The following PIK3R4 variants were observed in gnomAD, a reference collection of about 807,000 sequenced individuals.
PIK3R4 encodes phosphoinositide 3-kinase regulatory subunit 4.
Under a neutral mutation model 136.5 loss-of-function variants are expected in PIK3R4, and 46 were observed. The observed-to-expected ratio is 0.34, with a 90% CI of 0.27 to 0.43. The LOEUF (loss-of-function observed/expected upper bound fraction) is 0.43. Ranked by LOEUF, PIK3R4 falls within the 20% of genes least tolerant of loss-of-function variation. The pLI is 1.00. For synonymous variants in PIK3R4, 557 were observed against 566.7 expected (o/e 0.98, Z 0.24); for missense variants, 1,331 against 1,649.5 (o/e 0.81, Z 3.35).
intron 2 of PIK3R4, among the ~76,000 whole-genome samples, chr3:130,738,411 A>T (rs1340575240): frequency 6.6e-6 from 1 of 152,214 alleles, no homozygotes; most frequent in Non-Finnish European, 1.5e-5. Context: ...GCTGAGGCGA[A>T]AAAAACAGTA....
chr3:130,711,840 G>T (rs2066634070), intron 9 of PIK3R4, among the ~76,000 whole-genome samples: 1 of 152,148 alleles, frequency 6.6e-6, no homozygotes, highest in African/African-American at 2.4e-5. Flanking sequence ...CCGGAGGGCA[G>T]GGATTAGATA....
At chr3:130,703,555 T>C (rs998602373) in intron 13 of PIK3R4, among the ~76,000 whole-genome samples, 168 bp downstream of exon 13, 3 of 152,196 alleles carry the variant, frequency 2.0e-5, no homozygotes, top group African/African-American at 7.2e-5. Flanking sequence ...TATACTTTCA[T>C]TGTCTCTCAC....
intron 15 of PIK3R4, among the ~76,000 whole-genome samples, chr3:130,684,732 G>C (rs1180870769): frequency 6.6e-6 from 1 of 152,186 alleles, no homozygotes; most frequent in African/African-American, 2.4e-5. Flanking sequence ...AAAATGTTCA[G>C]ATTGCCTTAA....
chr3:130,718,163 C>T (rs146766830), intron 8 of PIK3R4, among the ~76,000 whole-genome samples: 11 of 152,202 alleles, frequency 7.2e-5, no homozygotes, highest in East Asian at 3.9e-4. Context: ...AACTACTGTA[C>T]GCTACATTAG....
At chr3:130,690,013 A>G (rs1371013700) in intron 14 of PIK3R4, among the ~76,000 whole-genome samples, 1 of 152,240 alleles carries the variant, frequency 6.6e-6, no homozygotes, top group Non-Finnish European at 1.5e-5. Flanking sequence ...TAAGCAAATC[A>G]TCTGTCTAAA....
At chr3:130,721,358 A>C (rs186791013) in intron 7 of PIK3R4, among the ~76,000 whole-genome samples, 178 of 152,156 alleles carry the variant, frequency 1.2e-3, no homozygotes, top group African/African-American at 4.2e-3. Flanking sequence ...AAAAAAATTA[A>C]AAATGGAACT....
chr3:130,721,964 A>AGT (rs1478947698), intron 7 of PIK3R4, among the ~76,000 whole-genome samples: 3 of 152,156 alleles, frequency 2.0e-5, no homozygotes, highest in Non-Finnish European at 4.4e-5. Context: ...TACTTCACAA[A>AGT]GTATATATAT....
chr3:130,703,969 C>T (rs748406685), intron 12 of PIK3R4, 81 bp from the exon 13 acceptor site: 44 of 896,134 alleles, frequency 4.9e-5, no homozygotes, highest in Non-Finnish European at 7.3e-5. Context: ...TAATAACCAA[C>T]AACCAGCTTG....
chr3:130,726,062 T>G (rs1009924677), intron 6 of PIK3R4: 4 of 152,112 alleles, frequency 2.6e-5, no homozygotes, highest in Admixed American at 2.0e-4. Context: ...TAATTAAAAT[T>G]TTTTTACTTC....
Position 130,681,525 on chromosome 3 carries a change from C to T in PIK3R4, c.3674G>A (p.Trp1225Ter), listed in dbSNP as rs1211552964. 1 of 1,612,278 alleles carries T rather than the reference C, an allele frequency of 6.2e-7. No homozygotes were observed. The highest frequency in any genetic ancestry group is 2.2e-5 in the East Asian group (1 of 44,856). The change falls in exon 17 of 20, where the codon TGG (tryptophan) becomes TAG (stop). Residue 1225 changes from tryptophan to a stop codon, truncating the protein, a stop_gained. Transcript: ENST00000356763. LOFTEE classifies it high-confidence loss of function. ...AGAAAGTGGTGGTGCACTGCTGGCC[C>T]AGAGAGTAAATCTTCTGTCACCAGT... is the stretch of plus-strand genomic sequence containing the variant. ...METGDRRFTLWASSAPPLSEL... is the reference protein window; with the variant it reads ...METGDRRFTL
intron 4 of PIK3R4, among the ~76,000 whole-genome samples, chr3:130,731,095 T>A (rs1342860174): frequency 1.3e-5 from 2 of 152,206 alleles, no homozygotes; most frequent in Middle Eastern, 3.2e-3. Context: ...TCCTCACCAC[T>A]ACAAAATAAC....
chr3:130,701,985 T>G (rs1292426279), intron 13 of PIK3R4, among the ~76,000 whole-genome samples: 1 of 151,386 alleles, frequency 6.6e-6, no homozygotes, highest in Non-Finnish European at 1.5e-5. Context: ...AAAAAAAATT[T>G]TTTTAATTAG....
chr3:130,725,930 A>G (rs2066728692), intron 6 of PIK3R4: 1 of 152,120 alleles, frequency 6.6e-6, no homozygotes, highest in Admixed American at 6.5e-5. Flanking sequence ...AGTAAAGCCT[A>G]TTTCACACTG....
At chr3:130,721,402 C>T (rs1428286595) in intron 7 of PIK3R4, among the ~76,000 whole-genome samples, 1 of 151,406 alleles carries the variant, frequency 6.6e-6, no homozygotes, top group Admixed American at 6.6e-5. Flanking sequence ...TTGGGGTATA[C>T]ATCCAAAGGA....
chr3:130,739,072 T>TTTTTG (rs567098445), intron 2 of PIK3R4, among the ~76,000 whole-genome samples: 1 of 151,892 alleles, frequency 6.6e-6, no homozygotes, highest in African/African-American at 2.4e-5. Flanking sequence ...TTTGTTTGTT[T>TTTTTG]TTTTGTTTTG....
rs768278416 is a variant in PIK3R4 at position 130,746,300 on chromosome 3, G to A, written c.-47+18C>T. The A allele has an allele frequency of 1.3e-5, 2 of 152,146 alleles. No individual in the cohort carries two copies. The highest frequency in any genetic ancestry group is 2.9e-5 in the Non-Finnish European group (2 of 68,086). 9.4% of individuals were successfully genotyped at this position (152,146 alleles called of 1,614,324 possible). ...CACACATATACACACACGACCTTGA[G>A]CACACATAAACATTTACCCTAGGCC... On this transcript the variant is annotated intron_variant, in intron 1 of 19. Coordinates refer to ENST00000356763, the MANE Select transcript of PIK3R4 (RefSeq NM_014602.3).
intron 13 of PIK3R4, among the ~76,000 whole-genome samples, chr3:130,702,252 G>C (rs1387380539): frequency 6.6e-6 from 1 of 152,178 alleles, no homozygotes; most frequent in African/African-American, 2.4e-5. Context: ...TAGGTGGCAA[G>C]TACATGGATG....
intron 7 of PIK3R4, among the ~76,000 whole-genome samples, chr3:130,722,033 T>A (rs951462381): frequency 2.0e-5 from 3 of 151,446 alleles, no homozygotes; most frequent in African/African-American, 7.3e-5. Context: ...TATACCTCAA[T>A]AAAGCTGGGG....
chr3:130,680,455 A>T (rs2066451036), intron 19 of PIK3R4, 158 bp downstream of exon 19: 1 of 488,556 alleles, frequency 2.0e-6, no homozygotes, highest in Non-Finnish European at 3.7e-6. Context: ...TACCTTAATA[A>T]AAGTTAATTT....
Sources: gnomAD v4.1 joint callset for allele counts (sites outside exome capture counted in the v4.1 genomes callset) on GRCh38, gnomAD v4.1.1 for gene constraint, MANE v1.5 for transcripts, NCBI Gene and HGNC (gene_info 2026-07-23, HGNC 2026-07-21) for gene names.